Variants in CRACR2B observed in about 807,000 individuals in gnomAD.
CRACR2B encodes EF-hand calcium-binding domain-containing protein 4A.
CRACR2B carries 50 observed loss-of-function variants against 46.0 expected under a neutral mutation model. The ratio of observed to expected loss-of-function variants is 1.09; its 90% CI spans 0.87 to 1.38. CRACR2B has a LOEUF of 1.38. Ranked by LOEUF, CRACR2B falls within the 40% of genes most tolerant of loss-of-function variation. The pLI is 0.00. For missense variants in CRACR2B, 667 were observed against 535.0 expected (o/e 1.25, Z -2.43); for synonymous variants, 277 against 239.6 (o/e 1.16, Z -1.44).
chr11:831,380 T>C, intron 8 of CRACR2B, 85 bp downstream of exon 8: 1 of 1,517,560 alleles, frequency 6.6e-7, no homozygotes, highest in South Asian at 1.2e-5. Context: ...GCTGCCGCTC[T>C]ACTCCATTGG....
chr11:830,183 G>C (rs1472694093), intron 4 of CRACR2B, 51 bp downstream of exon 4: 4 of 1,496,986 alleles, frequency 2.7e-6, no homozygotes, highest in African/African-American at 1.4e-5. Flanking sequence ...CAGGGCAGCA[G>C]CAGAGGCGGT....
rs1846062847 is a variant in CRACR2B at position 828,263 on chromosome 11, T to A, written c.-345T>A. ...ACCCCACCTTCCTTATCACCAGGTC[T>A]TCTCCACTGGCCCCTGAGATTGCCA... On this transcript the variant is annotated 5_prime_UTR_variant, in exon 1 of 9. Transcript: ENST00000525077. The A allele has an allele frequency of 3.5e-6, 1 of 288,442 alleles. No homozygotes were observed. Among genetic ancestry groups the A allele is most frequent in the African/African-American group, 2.3e-5 (1 of 44,148 alleles). 17.9% of individuals were successfully genotyped at this position (288,442 alleles called of 1,614,324 possible). A position where few individuals can be genotyped will look rare whatever the true frequency, so the allele number is the denominator to read the frequency against.
In CRACR2B at chr11:829,528, C is replaced by G. The variant is rs543530664; in HGVS notation, c.446C>G (p.Pro149Arg). ...HTVLEQLGVA[P>R]VLGKQRAVRT... ...GTGCTGGAGCAGCTGGGGGTGGCCCCGGTCCTGGGCAAGTGAGTCGGCGCT... is the reference window on the plus strand; with the variant it reads ...GTGCTGGAGCAGCTGGGGGTGGCCCGGGTCCTGGGCAAGTGAGTCGGCGCT... Residue 149 changes from proline to arginine, a missense_variant, in exon 3 of 9, where the codon CCG (proline) becomes CGG (arginine). Transcript: ENST00000525077. The G allele has an allele frequency of 1.2e-5, 19 of 1,587,856 alleles. No homozygotes were observed. Among genetic ancestry groups the G allele is most frequent in the Admixed American group, 1.8e-5 (1 of 54,406 alleles).
At chr11:829,940 T>C in intron 3 of CRACR2B, 46 bp from the exon 4 acceptor site, 1 of 1,534,348 alleles carries the variant, frequency 6.5e-7, no homozygotes, top group Non-Finnish European at 8.7e-7. Flanking sequence ...GGAAGCCTGC[T>C]TCCCGCTTCT....
chr11:831,525 C>T lies in CRACR2B; in HGVS notation c.1026-10C>T. The T allele has an allele frequency of 6.3e-7, 1 of 1,575,302 alleles. No individual in the cohort carries two copies. The highest frequency in any genetic ancestry group is 8.6e-7 in the Non-Finnish European group (1 of 1,163,236). ...CAGACCCTCTCAGTGTCGGACTCCT[C>T]CTTCCCTAGGGAGCTGAATACACGG... On this transcript the variant is annotated splice_polypyrimidine_tract_variant and intron_variant, in intron 8 of 8. Transcript: ENST00000525077.
Position 830,107 on chromosome 11 carries a change from G to T in CRACR2B, c.580G>T (p.Asp194Tyr). The T allele has an allele frequency of 6.5e-7, 1 of 1,539,358 alleles. No individual in the cohort carries two copies. The highest frequency in any genetic ancestry group is 1.2e-5 in the South Asian group (1 of 84,302). The change falls in exon 4 of 9, where the codon GAC (aspartate) becomes TAC (tyrosine). Residue 194 changes from aspartate to tyrosine, a missense_variant. By Grantham distance (160) the Asp-to-Tyr change is radical. Transcript: ENST00000525077. ...CCTGGAGGAGGCGGCCCGGGAGCGC[G>T]ACGGCCTGGAGCAGGCGCTGCGGAG... ...ACLEEAARER[D>Y]GLEQALRRRE...
chr11:829,783 CG>C, intron 3 of CRACR2B: 1 of 1,128,676 alleles, frequency 8.9e-7, no homozygotes, highest in Non-Finnish European at 1.2e-6. Context: ...GGCCACATAC[CG>C]GCACTGCCCA....
chr11:830,171 C>G, intron 4 of CRACR2B, 39 bp downstream of exon 4: 1 of 1,505,750 alleles, frequency 6.6e-7, no homozygotes, highest in Non-Finnish European at 8.8e-7. Context: ...AATGGAGGGC[C>G]TCAGGGCAGC....
rs559410396 is a variant in CRACR2B, at chr11:831,092, C to A, written c.953+60C>A. The A allele has an allele frequency of 5.8e-6, 9 of 1,546,018 alleles. No homozygotes were observed. In the East Asian group the frequency reaches 2.2e-4, roughly 38 times the overall value. ...GTGTCCCGGGGGCGGGGCCGACGGG[C>A]GCTCAGGTCTGGGCCACTTTCATCC... On this transcript the variant is annotated intron_variant, in intron 7 of 8. Coordinates refer to ENST00000525077, the MANE Select transcript of CRACR2B (RefSeq NM_001286606.2).
rs746945029 is a variant in CRACR2B at position 828,890 on chromosome 11, G to C, written c.204G>C (p.Leu68=). ...ACCTGCCCCTCACGCCAGAGCAGCT[G>C]GAGGCTGTGTTTGAAAGTCTGGACC... ...QSDLPLTPEQ[L]EAVFESLDRA... Residue 68 remains leucine, a synonymous_variant, in exon 2 of 9, where the codon CTG becomes CTC. Coordinates refer to ENST00000525077, the MANE Select transcript of CRACR2B (RefSeq NM_001286606.2). 16 of 1,609,906 alleles carry C rather than the reference G, an allele frequency of 9.9e-6. No homozygotes were observed. The highest frequency in any genetic ancestry group is 1.3e-5 in the African/African-American group (1 of 74,942).
rs2133922250 is a variant in CRACR2B, at chr11:830,608, C to G, written c.694-13C>G. 6.5e-7 allele frequency: 1 copy of G among 1,544,516 alleles called. No homozygotes were observed. The highest frequency in any genetic ancestry group is 8.7e-7 in the Non-Finnish European group (1 of 1,144,298). ...CGGCCGGCGGAGGCTCAGTGGTCCT[C>G]CGTGCGTCCCAGAACTTCGCCCGCG... On this transcript the variant is annotated splice_polypyrimidine_tract_variant and intron_variant, in intron 5 of 8. Coordinates refer to ENST00000525077, the MANE Select transcript of CRACR2B (RefSeq NM_001286606.2).
Position 831,549 on chromosome 11 carries a change from G to A in CRACR2B, c.1040G>A (p.Arg347Gln). 6.3e-7 allele frequency: 1 copy of A among 1,598,006 alleles called. No individual in the cohort carries two copies. The highest frequency in any genetic ancestry group is 8.5e-7 in the Non-Finnish European group (1 of 1,174,004). ...TCCTTCCCTAGGGAGCTGAATACACGGCTGCGGGATGACAGGGACGCCTGC... is the reference window on the plus strand; with the variant it reads ...TCCTTCCCTAGGGAGCTGAATACACAGCTGCGGGATGACAGGGACGCCTGC... ...QLELLRELNTRLRDDRDACEA... is the reference protein window; with the variant it reads ...QLELLRELNTQLRDDRDACEA... The change falls in exon 9 of 9, where the codon CGG (arginine) becomes CAG (glutamine). Residue 347 changes from arginine to glutamine, a missense_variant. Transcript: ENST00000525077.
At chr11:826,876 T>G (rs1845938400), upstream of CRACR2B, among the ~76,000 whole-genome samples, 1 of 152,168 alleles carries the variant, frequency 6.6e-6, no homozygotes, top group Admixed American at 6.5e-5. Context: ...TCCCCACCCC[T>G]AGAGATAACC....
At chr11:829,265 C>T (rs998536428) in intron 2 of CRACR2B, 95 bp from the exon 3 acceptor site, 3 of 1,496,520 alleles carry the variant, frequency 2.0e-6, no homozygotes, top group Non-Finnish European at 2.7e-6. Flanking sequence ...AAACTGGGCC[C>T]TGAGAGAGGG....
chr11:829,344 C>G lies in CRACR2B; in HGVS notation c.278-16C>G, dbSNP rs761922699. The G allele has an allele frequency of 1.9e-6, 3 of 1,588,842 alleles. No homozygotes were observed. The highest frequency in any genetic ancestry group is 1.4e-5 in the African/African-American group (1 of 73,760). ...GCGACCCACAGCCCTGGTAATCGCTCGCTCCATGCCCGCAGGGATGTTTGT... is the reference window on the plus strand; with the variant it reads ...GCGACCCACAGCCCTGGTAATCGCTGGCTCCATGCCCGCAGGGATGTTTGT... On this transcript the variant is annotated splice_polypyrimidine_tract_variant and intron_variant, in intron 2 of 8. Transcript: ENST00000525077.
Position 828,046 on chromosome 11 carries a change from G to A in CRACR2B, c.-562G>A, listed in dbSNP as rs1443083098. ...TGTGGGCTCAGTTGTGGGGAGGGAGGGGCCGGTGGGCAGGAGGGAGAAGTC... is the reference window on the plus strand; with the variant it reads ...TGTGGGCTCAGTTGTGGGGAGGGAGAGGCCGGTGGGCAGGAGGGAGAAGTC... On this transcript the variant is annotated 5_prime_UTR_variant, in exon 1 of 9. Coordinates refer to ENST00000525077, the MANE Select transcript of CRACR2B (RefSeq NM_001286606.2). Among the ~76,000 whole-genome samples the A allele has an allele frequency of 6.6e-6, 1 of 152,120 alleles. No individual in the cohort carries two copies. Among genetic ancestry groups the A allele is most frequent in the Non-Finnish European group, 1.5e-5 (1 of 67,994 alleles).
chr11:830,570 T>C (rs1042296309), intron 5 of CRACR2B, 51 bp from the exon 6 acceptor site: 2 of 1,548,544 alleles, frequency 1.3e-6, no homozygotes, highest in East Asian at 2.4e-5. Flanking sequence ...TGTACCTCTT[T>C]TGCATGGCCG....
intron 3 of CRACR2B, 167 bp downstream of exon 3, chr11:829,707 C>T (rs762190116): frequency 4.5e-4 from 477 of 1,055,168 alleles, no homozygotes; most frequent in Non-Finnish European, 6.0e-4. Context: ...CATGATTTCC[C>T]GCAGAATTTG....
chr11:830,290 G>C lies in CRACR2B; in HGVS notation c.646G>C (p.Glu216Gln), dbSNP rs541774564. Reference sequence around the variant, plus strand: ...CGAGAGGGAGGTGCGCGCTCTGTACGAGGAGACGGAGCAGCTTCGGGAGCA... The same window carrying C: ...CGAGAGGGAGGTGCGCGCTCTGTACCAGGAGACGGAGCAGCTTCGGGAGCA... Reference protein sequence around the residue: ...EHEREVRALYEETEQLREQSR... With the variant: ...EHEREVRALYQETEQLREQSR... Residue 216 changes from glutamate to glutamine, a missense_variant, in exon 5 of 9, where the codon GAG becomes CAG. By Grantham distance (29) the Glu-to-Gln change is conservative. Coordinates refer to ENST00000525077, the MANE Select transcript of CRACR2B (RefSeq NM_001286606.2). 2 of 1,532,806 alleles carry C rather than the reference G, an allele frequency of 1.3e-6. No individual in the cohort carries two copies. The highest frequency in any genetic ancestry group is 2.5e-5 in the East Asian group (1 of 40,758). 95.0% of individuals were successfully genotyped at this position (1,532,806 alleles called of 1,614,324 possible). A position where few individuals can be genotyped will look rare whatever the true frequency, so the allele number is the denominator to read the frequency against.
Sources: gnomAD v4.1 joint callset for allele counts (sites outside exome capture counted in the v4.1 genomes callset) on GRCh38, gnomAD v4.1.1 for gene constraint, MANE v1.5 for transcripts, NCBI Gene and HGNC (gene_info 2026-07-23, HGNC 2026-07-21) for gene names.